The following PTRH1 variants were observed in gnomAD, a reference collection of about 807,000 sequenced individuals.
PTRH1 encodes peptidyl-tRNA hydrolase.
Under a neutral mutation model 15.7 loss-of-function variants are expected in PTRH1, and 13 were observed. The ratio of observed to expected loss-of-function variants is 0.83; its 90% confidence interval spans 0.54 to 1.31. The LOEUF (loss-of-function observed/expected upper bound fraction) is 1.31. Among genes scored for constraint, PTRH1 ranks in the 40% most tolerant of loss-of-function variants. PTRH1 has a pLI of 0.00. For missense variants in PTRH1, 319 were observed against 296.2 expected, an observed-to-expected ratio of 1.08 and a Z score of -0.56; for synonymous variants, 139 against 136.7, an observed-to-expected ratio of 1.02 and a Z score of -0.12.
At chr9:127,698,727 G>A (rs1842580794) in intron 1 of PTRH1, among the ~76,000 whole-genome samples, 1 of 152,120 alleles carries the variant, frequency 6.6e-6, no homozygotes, top group Non-Finnish European at 1.5e-5. Context: ...TCTGAAGCAC[G>A]TGTGCCCCTC....
downstream of PTRH1, chr9:127,709,560 C>A: frequency 6.2e-7 from 1 of 1,614,096 alleles, no homozygotes; most frequent in Non-Finnish European, 8.5e-7. This position sits in a 1 kb window ranked among gnomAD's most constrained non-coding sequence, Gnocchi z 4.7. Flanking sequence ...AGATCACAGA[C>A]CTCAACGAGC....
At chr9:127,710,282 C>CAAAAA (rs60165824), downstream of PTRH1, among the ~76,000 whole-genome samples, 1 of 82,618 alleles carries the variant, frequency 1.2e-5, no homozygotes. Flanking sequence ...GACCCTGTCT[C>CAAAAA]AAAAAAAAAA....
chr9:127,706,039 G>A (rs1842643729), intron 1 of PTRH1, among the ~76,000 whole-genome samples: 1 of 152,190 alleles, frequency 6.6e-6, no homozygotes, highest in South Asian at 2.1e-4. Context: ...CTCACTAAGT[G>A]CCCCCAGCAT....
chr9:127,706,948 C>T (rs1842655660), intron 1 of PTRH1: 5 of 1,518,776 alleles, frequency 3.3e-6, no homozygotes, highest in Middle Eastern at 1.8e-4. Context: ...CTCACTCCCT[C>T]GGCCTGTTGC....
chr9:127,694,825 C>T (rs1842542191), intron 2 of PTRH1: 4 of 600,432 alleles, frequency 6.7e-6, no homozygotes, highest in Admixed American at 5.6e-5. Flanking sequence ...ATATTTAACA[C>T]CGTTGGAGAC....
At chr9:127,703,645 C>T (rs893803926) in intron 1 of PTRH1, among the ~76,000 whole-genome samples, 3 of 152,198 alleles carry the variant, frequency 2.0e-5, no homozygotes, top group African/African-American at 7.2e-5. Context: ...CCTCTTTCCC[C>T]AAAGCAAAAA....
downstream of PTRH1, chr9:127,709,526 G>A (rs567018611): frequency 3.7e-6 from 6 of 1,614,110 alleles, no homozygotes; most frequent in East Asian, 2.2e-5. This position sits in a 1 kb window ranked among gnomAD's most constrained non-coding sequence, Gnocchi z 4.7. Flanking sequence ...TTCCTCAAGC[G>A]CACGCTCAAC....
chr9:127,696,454 G>A (rs949703657), intron 1 of PTRH1, among the ~76,000 whole-genome samples: 2 of 152,178 alleles, frequency 1.3e-5, no homozygotes, highest in East Asian at 1.9e-4. Flanking sequence ...TTACACATGG[G>A]GAAGCAAAAC....
intron 1 of PTRH1, among the ~76,000 whole-genome samples, chr9:127,697,382 G>A (rs1842569592): frequency 1.3e-5 from 2 of 152,172 alleles, no homozygotes; most frequent in Non-Finnish European, 2.9e-5. Context: ...GCTGCTGGCC[G>A]GGCGTAGTGG....
In PTRH1 at chr9:127,715,089, G is replaced by C; in HGVS notation, c.202C>G (p.Arg68Gly). 2 of 1,532,416 alleles carry C rather than the reference G, an allele frequency of 1.3e-6. No individual in the cohort carries two copies. The highest frequency in any genetic ancestry group is 1.7e-6 in the Non-Finnish European group (2 of 1,145,444). The allele number at this position is 1,532,416 out of a possible 1,614,324, so 94.9% of individuals were successfully genotyped here. A position where few individuals can be genotyped will look rare whatever the true frequency, so the allele number is the denominator to read the frequency against. ...RRLGVAESWT[R>G]DRHCAADLAL... is the part of the protein sequence containing the mutation. ...AGGTCGGCGGCACAGTGCCGGTCGC[G>C]CGTCCAACTCTCCGCCACACCCAGC... The change falls in exon 2 of 5, where the codon CGC becomes GGC. Residue 68 changes from arginine (R) to glycine (G), a missense_variant. By Grantham distance (125) the Arg-to-Gly change is moderately radical. Transcript: ENST00000543175. The surrounding 1 kb of genome is among the most constrained non-coding windows in gnomAD (Gnocchi z 5.8).
At chr9:127,712,607 A>G (rs1488661762), downstream of PTRH1, 1 of 1,597,404 alleles carries the variant, frequency 6.3e-7, no homozygotes, top group Non-Finnish European at 8.5e-7. Context: ...CACCACAGAC[A>G]GGGAAAACTT....
At chr9:127,713,488 G>A (rs1800816151), downstream of PTRH1, 3 of 291,498 alleles carry the variant, frequency 1.0e-5, no homozygotes, top group South Asian at 5.4e-5. Flanking sequence ...TTCCAAGCCA[G>A]CATCTTTCTT....
In PTRH1 at chr9:127,705,555, G is replaced by A. The variant is rs1001570668; in HGVS notation, c.205+9880C>T. 3.9e-5 allele frequency among the ~76,000 whole-genome samples: 6 copies of A among 152,244 alleles called. No individual in the cohort carries two copies. Among genetic ancestry groups the A allele is most frequent in the Non-Finnish European group, 8.8e-5 (6 of 68,034 alleles). ...CTCCAGGCTGCCCGAGGGGCTGTGG[G>A]CCCCATTAAGCTGGGAATTCAGAGC... On this transcript the variant is annotated intron_variant, in intron 1 of 2. Transcript: ENST00000335223. The surrounding 1 kb of genome is among the most constrained non-coding windows in gnomAD (Gnocchi z 4.7).
At chr9:127,698,934 A>T (rs1588382383) in intron 1 of PTRH1, among the ~76,000 whole-genome samples, 1 of 124,452 alleles carries the variant, frequency 8.0e-6, no homozygotes, top group Non-Finnish European at 1.6e-5. Context: ...TTTGAGACGG[A>T]GTCTCGCCCA....
At position 127,714,979 on chromosome 9, in the gene PTRH1, C is replaced by G; in HGVS notation, c.312G>C (p.Arg104=). ...CCCCTGGCGCTCTCAACTCACCAGC[C>G]CGGGCCACGCTGCGCCCGTTGGCGT... is the stretch of plus-strand genomic sequence containing the variant. The part of the protein sequence containing the change: ...LMNANGRSVA[R]AAELFGLTAE... The change falls in exon 2 of 5, where the codon CGG becomes CGC. Residue 104 remains arginine, a synonymous_variant. Transcript: ENST00000543175. 3 of 1,442,062 alleles carry G rather than the reference C, an allele frequency of 2.1e-6. No homozygotes were observed. The highest frequency in any genetic ancestry group is 2.7e-6 in the Non-Finnish European group (3 of 1,099,824). 89.3% of individuals were successfully genotyped at this position (1,442,062 alleles called of 1,614,324 possible). A position where few individuals can be genotyped will look rare whatever the true frequency, so the allele number is the denominator to read the frequency against.
chr9:127,707,033 T>C (rs1406530593), intron 1 of PTRH1: 2 of 1,613,678 alleles, frequency 1.2e-6, no homozygotes, highest in Non-Finnish European at 1.7e-6. Flanking sequence ...CCATCAGCCA[T>C]GGCTCCCAAA....
At chr9:127,710,339 A>G (rs537983564), downstream of PTRH1, among the ~76,000 whole-genome samples, 11 of 152,084 alleles carry the variant, frequency 7.2e-5, no homozygotes, top group South Asian at 1.5e-3. Context: ...TCATGAGAGT[A>G]TCAAGGAAGG....
intron 1 of PTRH1, among the ~76,000 whole-genome samples, chr9:127,700,984 T>G (rs1255965042): frequency 4.6e-5 from 7 of 152,228 alleles, no homozygotes; most frequent in Admixed American, 4.6e-4. Context: ...TGTAATATAT[T>G]TAAATGCCAA....
At chr9:127,712,477 C>G, downstream of PTRH1, 1 of 1,453,890 alleles carries the variant, frequency 6.9e-7, no homozygotes, top group African/African-American at 1.4e-5. Flanking sequence ...CCTGGAAAGT[C>G]TGTCCTTCGC....
Sources: allele counts gnomAD v4.1 joint callset (sites outside exome capture counted in the v4.1 genomes callset), GRCh38; gene constraint gnomAD v4.1.1; non-coding constraint Gnocchi (gnomAD v3.1); transcripts MANE v1.5; gene names NCBI Gene and HGNC (gene_info 2026-07-23, HGNC 2026-07-21).